PALLD: variants seen among roughly 807,000 people sequenced by gnomAD.
The protein encoded by PALLD is palladin, cytoskeletal associated protein, also known as palladin.
A neutral mutation model predicts 123.5 loss-of-function variants in PALLD; 61 were observed. That is an observed-to-expected ratio of 0.49 (90% confidence interval 0.40 to 0.61). The LOEUF is 0.61. Ranked by LOEUF, PALLD falls within the 20% of genes least tolerant of loss-of-function variation. The probability of loss-of-function intolerance (pLI) is 0.00; values close to 1 mark genes in which losing one functional copy is unlikely to be tolerated. For missense variants in PALLD, 1,273 were observed against 1,377.0 expected, an observed-to-expected ratio of 0.92 and a Z score of 1.20; for synonymous variants, 465 against 496.4, an observed-to-expected ratio of 0.94 and a Z score of 0.84.
At chr4:168,689,421 G>A (rs1258531784) in intron 6 of PALLD, among the ~76,000 whole-genome samples, 4 of 129,698 alleles carry the variant, frequency 3.1e-5, no homozygotes, top group Admixed American at 8.6e-5. Context: ...CCTTACATTC[G>A]ATCCAATATT....
chr4:168,681,690 A>G (rs2150085481), intron 4 of PALLD, among the ~76,000 whole-genome samples: 1 of 151,870 alleles, frequency 6.6e-6, no homozygotes, highest in East Asian at 1.9e-4. Flanking sequence ...GATTATAGGC[A>G]TACACCACCA....
intron 2 of PALLD, among the ~76,000 whole-genome samples, chr4:168,553,453 G>T (rs572721439): frequency 6.6e-6 from 1 of 152,212 alleles, no homozygotes; most frequent in Non-Finnish European, 1.5e-5. Context: ...GTTTAAACTA[G>T]TAAGTGACAT....
rs1466554494 is a variant in PALLD at position 168,878,059 on chromosome 4, G to A, written c.1965-12863G>A. 5 of 1,478,358 alleles carry A rather than the reference G, an allele frequency of 3.4e-6. No individual in the cohort carries two copies. Among genetic ancestry groups the A allele is most frequent in the African/African-American group, 2.9e-5 (2 of 68,106 alleles). 91.6% of individuals were successfully genotyped at this position (1,478,358 alleles called of 1,614,324 possible). A position where few individuals can be genotyped will look rare whatever the true frequency, so the allele number is the denominator to read the frequency against. ...CCAGCCTCCCGTCGCCCATGTCCCC[G>A]ACGCCGAGGCAGTTCGGCCGCGCCC... On this transcript the variant is annotated intron_variant, in intron 10 of 21. Coordinates refer to ENST00000505667, the MANE Select transcript of PALLD (RefSeq NM_001166108.2).
At chr4:168,594,888 A>G (rs1771824527) in intron 2 of PALLD, among the ~76,000 whole-genome samples, 1 of 152,148 alleles carries the variant, frequency 6.6e-6, no homozygotes, top group Non-Finnish European at 1.5e-5. Context: ...CTCTATGTGG[A>G]ATTGTCAGAG....
At chr4:168,614,756 G>A (rs1210963561) in intron 2 of PALLD, among the ~76,000 whole-genome samples, 2 of 152,116 alleles carry the variant, frequency 1.3e-5, no homozygotes, top group Admixed American at 6.5e-5. Flanking sequence ...GCAGCCAAAA[G>A]TACAATGAAA....
At chr4:168,885,376 A>G (rs4692674) in intron 10 of PALLD, 72,814 of 152,078 alleles carry the variant, frequency 0.48, 20,954 homozygotes, top group Non-Finnish European at 0.62. Flanking sequence ...GGCAGTGTGA[A>G]TACTAAAATT....
chr4:168,742,686 A>T (rs953326742), intron 10 of PALLD, among the ~76,000 whole-genome samples: 4 of 152,188 alleles, frequency 2.6e-5, no homozygotes, highest in African/African-American at 9.7e-5. Flanking sequence ...TCAGTATTTC[A>T]AAAGATCTAG....
intron 10 of PALLD, among the ~76,000 whole-genome samples, chr4:168,800,678 C>T (rs1438159418): frequency 6.6e-6 from 1 of 152,078 alleles, no homozygotes; most frequent in Non-Finnish European, 1.5e-5. Context: ...TTGTTAAAAA[C>T]CACGTTGGAA....
intron 2 of PALLD, among the ~76,000 whole-genome samples, chr4:168,585,623 T>A (rs554098683): frequency 1.3e-5 from 2 of 151,846 alleles, no homozygotes; most frequent in South Asian, 4.2e-4. Context: ...AGGCACTGAG[T>A]GTGCCCCTGG....
At chr4:168,812,955 A>G (rs1445617675) in intron 10 of PALLD, among the ~76,000 whole-genome samples, 2 of 151,574 alleles carry the variant, frequency 1.3e-5, no homozygotes, top group African/African-American at 4.9e-5. Flanking sequence ...TTCATCAGCG[A>G]GATCCCAGGC....
In PALLD at chr4:168,524,056, A is replaced by C. The variant is rs371939935; in HGVS notation, c.908+11644A>C. Among the ~76,000 whole-genome samples, 20 of 152,306 alleles carry C rather than the reference A, an allele frequency of 1.3e-4. No individual in the cohort carries two copies. The East Asian group carries it at 3.5e-3, about 26-fold the overall frequency. On this transcript the variant is annotated intron_variant, in intron 2 of 21. Coordinates refer to ENST00000505667, the MANE Select transcript of PALLD (RefSeq NM_001166108.2). Reference sequence around the variant, plus strand: ...AAATTCACTTATTCCAATAAGCTAGATACTGCCAGATTTCTGGGATTCTAA... The same window carrying C: ...AAATTCACTTATTCCAATAAGCTAGCTACTGCCAGATTTCTGGGATTCTAA...
chr4:168,808,135 A>T (rs1388744685), intron 10 of PALLD, among the ~76,000 whole-genome samples: 1 of 151,872 alleles, frequency 6.6e-6, no homozygotes, highest in Non-Finnish European at 1.5e-5. Context: ...TATAAGAGGA[A>T]AATATAATAA....
intron 10 of PALLD, among the ~76,000 whole-genome samples, chr4:168,826,688 C>A (rs555320133): frequency 6.6e-6 from 1 of 152,104 alleles, no homozygotes; most frequent in Non-Finnish European, 1.5e-5. Flanking sequence ...CAAAAACAAA[C>A]AAACAAAAAC....
chr4:168,854,604 G>A (rs578129567), intron 10 of PALLD, among the ~76,000 whole-genome samples: 51 of 152,296 alleles, frequency 3.3e-4, no homozygotes, highest in Admixed American at 1.2e-3. Context: ...CGCTCCTGCT[G>A]TCCAGCAGGT....
intron 8 of PALLD, among the ~76,000 whole-genome samples, chr4:168,695,630 T>C (rs1472632738): frequency 6.6e-6 from 1 of 152,180 alleles, no homozygotes; most frequent in Non-Finnish European, 1.5e-5. Flanking sequence ...AAAATCCATG[T>C]AAAACATGAA....
At chr4:168,714,957 G>A (rs1420199600) in intron 10 of PALLD, among the ~76,000 whole-genome samples, 1 of 151,956 alleles carries the variant, frequency 6.6e-6, no homozygotes, top group African/African-American at 2.4e-5. Flanking sequence ...AAACCTGGAA[G>A]GGCCATGAGC....
chr4:168,888,651 C>G (rs1270561224), intron 10 of PALLD, among the ~76,000 whole-genome samples: 1 of 152,178 alleles, frequency 6.6e-6, no homozygotes, highest in Non-Finnish European at 1.5e-5. Flanking sequence ...GACTACCCCC[C>G]ACTCCTCCAG....
chr4:168,908,036 A>G (rs1269905609), intron 15 of PALLD, among the ~76,000 whole-genome samples: 1 of 152,238 alleles, frequency 6.6e-6, no homozygotes, highest in African/African-American at 2.4e-5. Flanking sequence ...TCTAGGCCTC[A>G]GTGTGTAAAT....
At chr4:168,611,885 C>T (rs528047635) in intron 2 of PALLD, among the ~76,000 whole-genome samples, 12 of 152,304 alleles carry the variant, frequency 7.9e-5, no homozygotes, top group Admixed American at 1.3e-4. Context: ...ACAGGCCAGG[C>T]GCCATGGCTC....
Sources: allele counts gnomAD v4.1 joint callset (sites outside exome capture counted in the v4.1 genomes callset), GRCh38; gene constraint gnomAD v4.1.1; transcripts MANE v1.5; gene names NCBI Gene and HGNC (gene_info 2026-07-23, HGNC 2026-07-21).